The following MATR3 variants were observed in gnomAD, a reference collection of about 807,000 sequenced individuals.
MATR3 encodes the protein matrin-3.
In MATR3, 4 loss-of-function variants were observed where a neutral mutation model predicts 85.5. The ratio of observed to expected loss-of-function variants is 0.05; its 90% confidence interval spans 0.02 to 0.11. MATR3 has a LOEUF of 0.11. Among genes scored for constraint, MATR3 ranks in the 10% least tolerant of loss-of-function variants. The probability of loss-of-function intolerance (pLI) is 1.00; values close to 1 mark genes in which losing one functional copy is unlikely to be tolerated. For synonymous variants in MATR3, 336 were observed against 343.1 expected (o/e 0.98, Z 0.23); for missense variants, 685 against 1,016.1 (o/e 0.67, Z 4.43).
chr5:139,291,690 CA>C (rs571499736), upstream of MATR3, among the ~76,000 whole-genome samples: 99 of 152,210 alleles, frequency 6.5e-4, no homozygotes, highest in African/African-American at 2.2e-3. Context: ...TGGTATGCAC[CA>C]CCATGCCCGG....
At chr5:139,318,779 T>G in intron 7 of MATR3, 129 bp from the exon 8 acceptor site, 1 of 876,588 alleles carries the variant, frequency 1.1e-6, no homozygotes, top group South Asian at 1.5e-5. Context: ...TGAAAGTATT[T>G]TCTACTTAAT....
rs562219649 is a variant in MATR3 at position 139,325,192 on chromosome 5, C to CA, written c.2149-237dup. Reference sequence around the variant, plus strand: ...TGGTCGACAGAGCAAGACTCCGTCTCAAAAAAAAAAAGGCAAAGACGCTAT... The same window carrying CA: ...TGGTCGACAGAGCAAGACTCCGTCTCAAAAAAAAAAAAGGCAAAGACGCTAT... On this transcript the variant is annotated intron_variant, in intron 12 of 14. Coordinates refer to ENST00000394805, the MANE Select transcript of MATR3 (RefSeq NM_018834.6). The CA allele has an allele frequency of 0.072, 65,969 of 914,576 alleles. 11 individuals are homozygous for CA. Among genetic ancestry groups the CA allele is most frequent in the East Asian group, 0.076 (1,769 of 23,368 alleles). The allele number at this position is 914,576 out of a possible 1,614,324, so 56.7% of individuals were successfully genotyped here.
In MATR3 at chr5:139,302,061, TC is replaced by T. The variant is rs1211113701; in HGVS notation, c.-177-5176del. On this transcript the variant is annotated intron_variant, in intron 1 of 14. Transcript: ENST00000394805. ...AATATTCATGCTTGTATTTCAGCCT[TC>T]CTGGCACTACACTTTTTTATCTTTT... is the stretch of plus-strand genomic sequence containing the variant. 2.0e-5 allele frequency among the ~76,000 whole-genome samples: 3 copies of T among 152,212 alleles called. No homozygotes were observed. In the East Asian group the frequency reaches 5.8e-4, roughly 29 times the overall value.
At chr5:139,320,247 T>G (rs1755487391) in intron 9 of MATR3, among the ~76,000 whole-genome samples, 1 of 151,800 alleles carries the variant, frequency 6.6e-6, no homozygotes, top group Non-Finnish European at 1.5e-5. Flanking sequence ...AGGCGGAGCT[T>G]GCAATGACTC....
At chr5:139,317,795 T>C in intron 7 of MATR3, 74 bp downstream of exon 7, 1 of 1,398,008 alleles carries the variant, frequency 7.2e-7, no homozygotes, top group Non-Finnish European at 9.8e-7. Context: ...TAAATGATTT[T>C]GTATTAGAAA....
chr5:139,327,561 A>C (rs1755921812), intron 14 of MATR3, among the ~76,000 whole-genome samples: 1 of 152,096 alleles, frequency 6.6e-6, no homozygotes. Flanking sequence ...ATCTGGGATT[A>C]CAGGCATGCG....
intron 1 of MATR3, among the ~76,000 whole-genome samples, chr5:139,301,573 C>T (rs962976450): frequency 4.6e-5 from 7 of 151,996 alleles, no homozygotes; most frequent in Non-Finnish European, 4.4e-5. Flanking sequence ...CCTCTCGCCT[C>T]GGCCTCCCAA....
At chr5:139,293,131 G>A (rs1753938962), upstream of MATR3, 2 of 152,188 alleles carry the variant, frequency 1.3e-5, no homozygotes, top group Admixed American at 6.5e-5. Context: ...ATGGTGGTGC[G>A]AGCCTGTAGT....
At chr5:139,325,119 G>C (rs1269479221) in intron 12 of MATR3, among the ~76,000 whole-genome samples, 1 of 152,074 alleles carries the variant, frequency 6.6e-6, no homozygotes, top group Admixed American at 6.5e-5. Context: ...CGTGAACCAG[G>C]GAGGCGGAGG....
rs903261116 is a variant in MATR3 at position 139,325,025 on chromosome 5, A to G, written c.2149-415A>G. Among the ~76,000 whole-genome samples, 13 of 152,126 alleles carry G rather than the reference A, an allele frequency of 8.5e-5. No individual in the cohort carries two copies. The East Asian group carries it at 2.5e-3, about 30-fold the overall frequency. ...GCTAACACAGTGAAACCCCGTCTCT[A>G]CTAAAATTACAAAAAAAATTAGCCG... On this transcript the variant is annotated intron_variant, in intron 12 of 14. Transcript: ENST00000394805.
At chr5:139,292,632 G>A (rs866401682), upstream of MATR3, among the ~76,000 whole-genome samples, 2 of 152,164 alleles carry the variant, frequency 1.3e-5, no homozygotes, top group Admixed American at 6.5e-5. Context: ...GAAAAGGCTC[G>A]CGGTCCTCCG....
intron 1 of MATR3, chr5:139,300,024 CT>C (rs1259888202): frequency 6.6e-6 from 1 of 152,068 alleles, no homozygotes; most frequent in African/African-American, 2.4e-5. Flanking sequence ...AATTTTTCCA[CT>C]TTTACTAGAA....
At chr5:139,309,775 C>G (rs1754879058) in intron 2 of MATR3, among the ~76,000 whole-genome samples, 1 of 152,054 alleles carries the variant, frequency 6.6e-6, no homozygotes, top group African/African-American at 2.4e-5. Context: ...AGTTTCTGAT[C>G]AGCACTAAAC....
At chr5:139,323,892 GAAAA>G (rs200270742) in intron 12 of MATR3, among the ~76,000 whole-genome samples, 1 of 144,288 alleles carries the variant, frequency 6.9e-6, no homozygotes, top group Admixed American at 7.0e-5. Context: ...ACTGTCTCAA[GAAAA>G]AAAAAAAGTA....
At chr5:139,296,803 T>A (rs559609237) in intron 1 of MATR3, among the ~76,000 whole-genome samples, 64 of 152,362 alleles carry the variant, frequency 4.2e-4, no homozygotes, top group African/African-American at 1.5e-3. Flanking sequence ...GAACATCTTT[T>A]TGTTAGGGAT....
chr5:139,289,952 C>T (rs1753819022), upstream of MATR3, among the ~76,000 whole-genome samples: 1 of 152,142 alleles, frequency 6.6e-6, no homozygotes, highest in Non-Finnish European at 1.5e-5. Context: ...TCATCTTGAC[C>T]TCTTGGTAGC....
chr5:139,305,845 CCA>C (rs1754678792), intron 1 of MATR3, among the ~76,000 whole-genome samples: 1 of 152,088 alleles, frequency 6.6e-6, no homozygotes, highest in Non-Finnish European at 1.5e-5. Context: ...TTTTTAAAAT[CCA>C]GTCTAAATCT....
intron 3 of MATR3, chr5:139,280,590 G>A (rs554099845): frequency 4.6e-4 from 70 of 152,286 alleles, no homozygotes; most frequent in African/African-American, 1.7e-3. Context: ...CACTTTTAAT[G>A]TGCTCCAAAG....
At chr5:139,277,761 C>CT (rs35759733) in intron 2 of MATR3, among the ~76,000 whole-genome samples, 62,065 of 127,920 alleles carry the variant, frequency 0.49, 18,372 homozygotes, top group Non-Finnish European at 0.67. Context: ...GTCTGCTCGT[C>CT]TTTTTTTTTT....
Sources: gnomAD v4.1 joint callset for allele counts (sites outside exome capture counted in the v4.1 genomes callset) on GRCh38, gnomAD v4.1.1 for gene constraint, MANE v1.5 for transcripts, NCBI Gene and HGNC (gene_info 2026-07-23, HGNC 2026-07-21) for gene names.